The following WDR70 variants were observed in gnomAD, a reference collection of about 807,000 sequenced individuals.
The protein encoded by WDR70 is WD repeat-containing protein 70.
Under a neutral mutation model 88.6 loss-of-function variants are expected in WDR70, and 53 were observed. The observed-to-expected ratio is 0.60, with a 90% CI of 0.48 to 0.75. The LOEUF is 0.75. Ranked by LOEUF, WDR70 falls within the 30% of genes least tolerant of loss-of-function variation. WDR70 has a pLI of 0.00. For missense variants in WDR70, 610 were observed against 823.2 expected, an observed-to-expected ratio of 0.74 and a Z score of 3.17; for synonymous variants, 280 against 270.0, an observed-to-expected ratio of 1.04 and a Z score of -0.36.
intron 10 of WDR70, among the ~76,000 whole-genome samples, chr5:37,648,984 A>G (rs1442844330): frequency 6.6e-6 from 1 of 152,216 alleles, no homozygotes; most frequent in Non-Finnish European, 1.5e-5. Flanking sequence ...TTGTTTAGGA[A>G]TGACGTAAAG....
rs117094471 is a variant in WDR70, at chr5:37,630,605, A to G, written c.1092+25367A>G. Among the ~76,000 whole-genome samples the G allele has an allele frequency of 2.2e-3, 331 of 152,282 alleles. 7 individuals are homozygous for G. The East Asian group carries it at 0.056, about 26-fold the overall frequency. On this transcript the variant is annotated intron_variant, in intron 10 of 17. Transcript: ENST00000265107. ...TCCTAGGCAGGACTGGTAGGCTTTT[A>G]GTGCAATTGGGAGTGTGGCCCCAGG...
intron 5 of WDR70, among the ~76,000 whole-genome samples, chr5:37,400,293 A>G (rs1749152584): frequency 1.3e-5 from 2 of 152,220 alleles, no homozygotes; most frequent in South Asian, 2.1e-4. Flanking sequence ...GTTCACATAT[A>G]TGTTATTAAA....
chr5:37,622,631 T>G (rs1744542103), intron 10 of WDR70, among the ~76,000 whole-genome samples: 2 of 151,914 alleles, frequency 1.3e-5, no homozygotes, highest in South Asian at 4.1e-4. Flanking sequence ...CTCAGCAAAC[T>G]ATAGCAAGGA....
At position 37,543,049 on chromosome 5, in the gene WDR70, G is replaced by A. The variant is rs78414335; in HGVS notation, c.917+26459G>A. Among the ~76,000 whole-genome samples the A allele has an allele frequency of 1.0e-2, 1,520 of 152,248 alleles. 37 individuals carry two copies. The highest frequency in any genetic ancestry group is 0.068 in the East Asian group (354 of 5,178). On this transcript the variant is annotated intron_variant, in intron 9 of 17. Transcript: ENST00000265107. ...TTGGGAACTATGACATTTGCTGTCC[G>A]ATCTAGCCCTGGCTATCCTGGAGGG... is the stretch of plus-strand genomic sequence containing the variant.
chr5:37,519,894 C>T (rs566552938), intron 9 of WDR70, among the ~76,000 whole-genome samples: 179 of 152,338 alleles, frequency 1.2e-3, no homozygotes, highest in Non-Finnish European at 2.0e-3. Flanking sequence ...TTTTCACCAA[C>T]AGCATATGAG....
intron 10 of WDR70, among the ~76,000 whole-genome samples, chr5:37,666,104 G>A (rs1299751924): frequency 1.3e-5 from 2 of 152,208 alleles, no homozygotes; most frequent in South Asian, 2.1e-4. Context: ...GGACTTCAAA[G>A]GGGGGCACCG....
At chr5:37,682,238 G>T (rs1014150643) in intron 10 of WDR70, among the ~76,000 whole-genome samples, 1 of 152,138 alleles carries the variant, frequency 6.6e-6, no homozygotes, top group Non-Finnish European at 1.5e-5. Context: ...AATATTCTCT[G>T]AGGGTTCTTT....
At chr5:37,481,333 C>A (rs961884385) in intron 8 of WDR70, among the ~76,000 whole-genome samples, 1 of 152,088 alleles carries the variant, frequency 6.6e-6, no homozygotes, top group Non-Finnish European at 1.5e-5. Flanking sequence ...CATGAGGGCC[C>A]CCCCCGCTCC....
chr5:37,421,806 G>A (rs1053352410), intron 5 of WDR70, among the ~76,000 whole-genome samples: 3 of 151,720 alleles, frequency 2.0e-5, no homozygotes, highest in African/African-American at 7.3e-5. Context: ...CATGAGGTTG[G>A]TATTGCCACT....
chr5:37,626,387 T>C (rs1423364139), intron 10 of WDR70, among the ~76,000 whole-genome samples: 1 of 152,242 alleles, frequency 6.6e-6, no homozygotes, highest in Non-Finnish European at 1.5e-5. Context: ...GTTTTCATCC[T>C]TCTTTCTGTT....
chr5:37,578,905 T>C (rs990862742), intron 9 of WDR70, among the ~76,000 whole-genome samples: 2 of 152,258 alleles, frequency 1.3e-5, no homozygotes, highest in Admixed American at 6.5e-5. Context: ...TTCCACATGT[T>C]GTGTTCTCAT....
rs184857350 is a variant in WDR70, at chr5:37,587,835, A to C, written c.918-17229A>C. Among the ~76,000 whole-genome samples the C allele has an allele frequency of 1.2e-3, 176 of 143,292 alleles. 2 individuals are homozygous for C. Among genetic ancestry groups the C allele is most frequent in the Non-Finnish European group, 1.0e-4 (7 of 66,962 alleles). 94.0% of individuals were successfully genotyped at this position (143,292 alleles called of 152,430 possible). A position where few individuals can be genotyped will look rare whatever the true frequency, so the allele number is the denominator to read the frequency against. On this transcript the variant is annotated intron_variant, in intron 9 of 17. Coordinates refer to ENST00000265107, the MANE Select transcript of WDR70 (RefSeq NM_018034.4). ...CACTCTATCGCCCAGGCTGGAGTGC[A>C]GTGGCGTGATCTCAGCTCACTGTAA... is the stretch of plus-strand genomic sequence containing the variant.
At chr5:37,620,412 G>T (rs1409440431) in intron 10 of WDR70, among the ~76,000 whole-genome samples, 1 of 152,042 alleles carries the variant, frequency 6.6e-6, no homozygotes, top group Non-Finnish European at 1.5e-5. Flanking sequence ...GTTTTATTCT[G>T]AAAAACAGTT....
chr5:37,527,042 A>G (rs903378270), intron 9 of WDR70, among the ~76,000 whole-genome samples: 1 of 152,226 alleles, frequency 6.6e-6, no homozygotes, highest in African/African-American at 2.4e-5. Flanking sequence ...TATCATGAAA[A>G]TGGCCATACT....
intron 8 of WDR70, among the ~76,000 whole-genome samples, chr5:37,503,333 T>C (rs995204845): frequency 6.6e-6 from 1 of 152,120 alleles, no homozygotes; most frequent in African/African-American, 2.4e-5. Flanking sequence ...ACGTGTGTTA[T>C]GGGGATTGGT....
At chr5:37,648,642 G>C (rs181927761) in intron 10 of WDR70, among the ~76,000 whole-genome samples, 7 of 152,032 alleles carry the variant, frequency 4.6e-5, no homozygotes, top group Admixed American at 1.3e-4. Flanking sequence ...TGTGGTTGGG[G>C]ACATATCTTT....
chr5:37,733,803 T>A (rs974723939), intron 17 of WDR70, among the ~76,000 whole-genome samples: 1 of 151,886 alleles, frequency 6.6e-6, no homozygotes, highest in Admixed American at 6.6e-5. Flanking sequence ...GAGAACAGAG[T>A]TGTCTTTCTA....
chr5:37,417,386 G>A lies in WDR70; in HGVS notation c.493-20536G>A, dbSNP rs114488510. 1.6e-3 allele frequency among the ~76,000 whole-genome samples: 237 copies of A among 151,886 alleles called. 1 individual carries two copies. The highest frequency in any genetic ancestry group is 5.5e-3 in the African/African-American group (229 of 41,440). The stretch of plus-strand genomic sequence containing the variant: ...ACTACAGGTGGGCGCCACCATGCCC[G>A]GCTAATTTTTCTGTGTTTTCTAGAG... On this transcript the variant is annotated intron_variant, in intron 5 of 17. Transcript: ENST00000265107.
intron 9 of WDR70, among the ~76,000 whole-genome samples, chr5:37,560,606 T>G (rs956795673): frequency 1.3e-5 from 2 of 152,214 alleles, no homozygotes; most frequent in Admixed American, 6.5e-5. Context: ...TTCTTCAAGT[T>G]ATGCAACTGC....
Sources: gnomAD v4.1 joint callset for allele counts (sites outside exome capture counted in the v4.1 genomes callset) on GRCh38, gnomAD v4.1.1 for gene constraint, MANE v1.5 for transcripts, NCBI Gene and HGNC (gene_info 2026-07-23, HGNC 2026-07-21) for gene names.